Variants in ZNF804B observed in about 807,000 individuals in gnomAD.
The protein encoded by ZNF804B is zinc finger 804B.
Under a neutral mutation model 101.4 loss-of-function variants are expected in ZNF804B, and 80 were observed. The ratio of observed to expected loss-of-function variants is 0.79; its 90% confidence interval spans 0.66 to 0.95. The LOEUF (loss-of-function observed/expected upper bound fraction) is 0.95, where lower values mean the gene tolerates loss of function less well. Among genes scored for constraint, ZNF804B ranks in the 40% least tolerant of loss-of-function variants. The pLI is 0.00. For missense variants in ZNF804B, 1,673 were observed against 1,561.9 expected (o/e 1.07, Z -1.20); for synonymous variants, 622 against 558.8 (o/e 1.11, Z -1.59).
intron 1 of ZNF804B, among the ~76,000 whole-genome samples, chr7:89,026,862 T>C (rs927625507): frequency 1.3e-5 from 2 of 152,124 alleles, no homozygotes; most frequent in African/African-American, 4.8e-5. Flanking sequence ...AAGAGATGAA[T>C]ATGGTGGTCT....
chr7:89,251,636 T>G (rs1789542387), intron 2 of ZNF804B, among the ~76,000 whole-genome samples: 1 of 151,532 alleles, frequency 6.6e-6, no homozygotes, highest in South Asian at 2.1e-4. Flanking sequence ...CCAAAATAGC[T>G]CTTCAAACCA....
At chr7:89,174,892 A>G (rs908404225) in intron 1 of ZNF804B, among the ~76,000 whole-genome samples, 2 of 151,986 alleles carry the variant, frequency 1.3e-5, no homozygotes, top group African/African-American at 4.8e-5. Flanking sequence ...GTTTATGTCT[A>G]CTTTTGAGAA....
intron 1 of ZNF804B, among the ~76,000 whole-genome samples, chr7:88,846,993 C>T (rs1317985121): frequency 6.6e-6 from 1 of 151,452 alleles, no homozygotes; most frequent in African/African-American, 2.4e-5. Flanking sequence ...AATTATTGTT[C>T]CAGAAACTAA....
At chr7:88,934,971 C>G (rs1257905858) in intron 1 of ZNF804B, among the ~76,000 whole-genome samples, 1 of 151,420 alleles carries the variant, frequency 6.6e-6, no homozygotes, top group Non-Finnish European at 1.5e-5. Flanking sequence ...GACATGGAAC[C>G]AAGCTAAGTA....
At chr7:89,137,497 C>A (rs1286297674) in intron 1 of ZNF804B, among the ~76,000 whole-genome samples, 2 of 151,968 alleles carry the variant, frequency 1.3e-5, no homozygotes, top group African/African-American at 4.8e-5. Context: ...AAGAGACTGG[C>A]AGCATTTTGT....
chr7:89,272,525 A>G (rs1208848), intron 2 of ZNF804B, among the ~76,000 whole-genome samples: 36,661 of 151,944 alleles, frequency 0.24, 4,660 homozygotes, highest in Non-Finnish European at 0.27. Context: ...ATAAATCAAA[A>G]CAAAGGTAAT....
intron 1 of ZNF804B, among the ~76,000 whole-genome samples, chr7:89,151,373 G>A (rs722003): frequency 0.21 from 31,999 of 151,666 alleles, 3,393 homozygotes; most frequent in Middle Eastern, 0.24. Context: ...TAGCATTAAC[G>A]TCATCATCCT....
intron 1 of ZNF804B, among the ~76,000 whole-genome samples, chr7:89,116,534 G>T (rs1790314967): frequency 6.6e-6 from 1 of 152,064 alleles, no homozygotes; most frequent in African/African-American, 2.4e-5. Context: ...GCATAGCTTT[G>T]AAATATAATA....
chr7:88,948,491 T>A (rs1793171043), intron 1 of ZNF804B, among the ~76,000 whole-genome samples: 1 of 151,666 alleles, frequency 6.6e-6, no homozygotes, highest in Middle Eastern at 3.2e-3. Flanking sequence ...TGACCTAGAT[T>A]TAATGCCAGT....
At chr7:89,266,242 T>C (rs1789794053) in intron 2 of ZNF804B, among the ~76,000 whole-genome samples, 1 of 152,118 alleles carries the variant, frequency 6.6e-6, no homozygotes, top group Non-Finnish European at 1.5e-5. Flanking sequence ...ATATTACTAG[T>C]CTAGCACCAA....
In ZNF804B at chr7:88,878,143, T is replaced by C. The variant is rs1367859105; in HGVS notation, c.108+118059T>C. Among the ~76,000 whole-genome samples the C allele has an allele frequency of 2.6e-5, 4 of 152,182 alleles. No homozygotes were observed. In the East Asian group the frequency reaches 7.7e-4, roughly 29 times the overall value. On this transcript the variant is annotated intron_variant, in intron 1 of 3. Coordinates refer to ENST00000333190, the MANE Select transcript of ZNF804B (RefSeq NM_181646.5). Reference sequence around the variant, plus strand: ...AATACTTCTAACTTAAGATAACTCATTATTCTCATTTGAACTTAAAATTCT... The same window carrying C: ...AATACTTCTAACTTAAGATAACTCACTATTCTCATTTGAACTTAAAATTCT...
At chr7:88,839,119 A>G (rs1325422637) in intron 1 of ZNF804B, among the ~76,000 whole-genome samples, 3 of 151,996 alleles carry the variant, frequency 2.0e-5, no homozygotes. Context: ...ACGTATGCTT[A>G]GCTTATCCTC....
chr7:89,047,217 T>G (rs981284319), intron 1 of ZNF804B, among the ~76,000 whole-genome samples: 22 of 152,160 alleles, frequency 1.4e-4, no homozygotes, highest in Non-Finnish European at 2.9e-5. Context: ...CCTTGGACTT[T>G]GTAAAGTTAA....
Position 89,334,576 on chromosome 7 carries a change from C to G in ZNF804B, c.1594C>G (p.Gln532Glu). The G allele has an allele frequency of 1.2e-6, 2 of 1,613,672 alleles. No individual in the cohort carries two copies. The highest frequency in any genetic ancestry group is 1.7e-6 in the Non-Finnish European group (2 of 1,179,834). ...DQQKLIQEDY[Q>E]YPKPKTMIAN... ...ACAAAAATTGATCCAAGAAGATTAT[C>G]AATATCCGAAACCAAAGACGATGAT... The change falls in exon 4 of 4, where the codon CAA (glutamine) becomes GAA (glutamate). Residue 532 changes from glutamine (Q) to glutamate (E), a missense_variant. Physicochemically the swap from Gln to Glu is conservative, Grantham distance 29. Transcript: ENST00000333190.
chr7:89,175,256 T>C (rs1381973772), intron 1 of ZNF804B, among the ~76,000 whole-genome samples: 4 of 152,044 alleles, frequency 2.6e-5, no homozygotes, highest in Non-Finnish European at 5.9e-5. Flanking sequence ...TTTTTTCATA[T>C]GATGAGCAAT....
At chr7:88,817,551 A>G (rs1032337663) in intron 1 of ZNF804B, among the ~76,000 whole-genome samples, 1 of 152,166 alleles carries the variant, frequency 6.6e-6, no homozygotes, top group African/African-American at 2.4e-5. Context: ...TTAAATATTT[A>G]ATTGCATTTA....
chr7:89,190,708 T>C (rs531548204), intron 1 of ZNF804B, among the ~76,000 whole-genome samples: 1 of 152,236 alleles, frequency 6.6e-6, no homozygotes, highest in African/African-American at 2.4e-5. Context: ...ACTGTATTAT[T>C]ATCTAATTTT....
At chr7:89,093,633 T>G (rs1338549597) in intron 1 of ZNF804B, among the ~76,000 whole-genome samples, 1 of 152,246 alleles carries the variant, frequency 6.6e-6, no homozygotes, top group Admixed American at 6.5e-5. Context: ...TGTACGATTA[T>G]CTTAAAGACT....
intron 2 of ZNF804B, among the ~76,000 whole-genome samples, chr7:89,277,231 A>G (rs1789995373): frequency 6.7e-6 from 1 of 150,338 alleles, no homozygotes; most frequent in Non-Finnish European, 1.5e-5. Context: ...TAATGCACCA[A>G]TAAACAAACA....
Sources: allele counts gnomAD v4.1 joint callset (sites outside exome capture counted in the v4.1 genomes callset), GRCh38; gene constraint gnomAD v4.1.1; transcripts MANE v1.5; gene names NCBI Gene and HGNC (gene_info 2026-07-23, HGNC 2026-07-21).